The following SLC26A4 variants were observed in gnomAD, a reference collection of about 807,000 sequenced individuals.
SLC26A4 encodes the protein pendrin.
In SLC26A4, 93 loss-of-function variants were observed where a neutral mutation model predicts 90.4. The ratio of observed to expected loss-of-function variants is 1.03; its 90% CI spans 0.87 to 1.22. SLC26A4 has a LOEUF of 1.22. SLC26A4 is among the 50% of genes most tolerant of loss of function. The pLI, the probability that SLC26A4 is intolerant of heterozygous loss-of-function variation, is 0.00. For synonymous variants in SLC26A4, 393 were observed against 354.6 expected, an observed-to-expected ratio of 1.11 and a Z score of -1.22; for missense variants, 1,127 against 946.2, an observed-to-expected ratio of 1.19 and a Z score of -2.51.
At position 107,708,542 on chromosome 7, in the gene SLC26A4, A is replaced by G. The variant is rs531581318; in HGVS notation, c.2090-1512A>G. Among the ~76,000 whole-genome samples, 7 of 152,262 alleles carry G rather than the reference A, an allele frequency of 4.6e-5. No homozygotes were observed. In the East Asian group the frequency reaches 1.4e-3, roughly 29 times the overall value. On this transcript the variant is annotated intron_variant, in intron 18 of 20. Transcript: ENST00000644269. ...ACCTTTAAATAACCTCTGATTGCCA[A>G]GCTAGAGTTAAGTTTTAAATAAATA... is the stretch of plus-strand genomic sequence containing the variant.
chr7:107,671,909 G>A (rs1397381282), intron 3 of SLC26A4, among the ~76,000 whole-genome samples: 2 of 152,188 alleles, frequency 1.3e-5, no homozygotes, highest in African/African-American at 2.4e-5. Context: ...TCTAACGCAA[G>A]CCTATTTTAT....
chr7:107,687,399 A>G (rs1791449955), intron 8 of SLC26A4, among the ~76,000 whole-genome samples: 2 of 152,234 alleles, frequency 1.3e-5, no homozygotes, highest in Admixed American at 6.5e-5. Context: ...GACAGCAGAC[A>G]TGAGTGGCAG....
At position 107,665,077 on chromosome 7, in the gene SLC26A4, A is replaced by C. The variant is rs541224375; in HGVS notation, c.304+1642A>C. Among the ~76,000 whole-genome samples the C allele has an allele frequency of 1.7e-3, 259 of 152,242 alleles. 2 individuals are homozygous for C. The highest frequency in any genetic ancestry group is 2.4e-3 in the Non-Finnish European group (161 of 68,016). The stretch of plus-strand genomic sequence containing the variant: ...GGGAGTGCAAATGAGGTTCACTCAA[A>C]GCGGTCTTAGGGGATCTTGAATAGC... On this transcript the variant is annotated intron_variant, in intron 3 of 20. Transcript: ENST00000644269.
rs770923161 is a variant in SLC26A4 at position 107,689,023 on chromosome 7, C to T, written c.1002-30C>T. Reference sequence around the variant, plus strand: ...GGAAAAAGGATGGTGGTCAAATCTTCACAGCATTTTTCACTTAAAAACTCA... The same window carrying T: ...GGAAAAAGGATGGTGGTCAAATCTTTACAGCATTTTTCACTTAAAAACTCA... On this transcript the variant is annotated intron_variant, in intron 8 of 20. Coordinates refer to ENST00000644269, the MANE Select transcript of SLC26A4 (RefSeq NM_000441.2). The T allele has an allele frequency of 3.0e-5, 48 of 1,612,846 alleles. No individual in the cohort carries two copies. The South Asian group carries it at 5.1e-4, about 17-fold the overall frequency.
At chr7:107,713,041 A>G (rs1407671693) in intron 20 of SLC26A4, among the ~76,000 whole-genome samples, 2 of 152,200 alleles carry the variant, frequency 1.3e-5, no homozygotes, top group Non-Finnish European at 2.9e-5. Context: ...TAAAGGCTTT[A>G]AAAACACACT....
intron 6 of SLC26A4, among the ~76,000 whole-genome samples, chr7:107,677,192 GCAA>G (rs1189816313): frequency 6.6e-6 from 1 of 152,004 alleles, no homozygotes; most frequent in Non-Finnish European, 1.5e-5. Context: ...AACAATAACA[GCAA>G]CAACAAACAA....
rs6943886 is a variant in SLC26A4, at chr7:107,698,606, T to C, written c.1614+495T>C. On this transcript the variant is annotated intron_variant, in intron 14 of 20. Transcript: ENST00000644269. ...AGTTGGGATTACAGGCGTGAGCCAC[T>C]GCACCTGGCTAGCTGAATGTCATTT... Among the ~76,000 whole-genome samples the C allele has an allele frequency of 5.7e-3, 869 of 152,210 alleles. 13 individuals are homozygous for C. Among genetic ancestry groups the C allele is most frequent in the African/African-American group, 0.019 (805 of 41,556 alleles).
At chr7:107,698,159 A>T in intron 14 of SLC26A4, 48 bp downstream of exon 14, 1 of 1,184,428 alleles carries the variant, frequency 8.4e-7, no homozygotes, top group Non-Finnish European at 1.3e-6. Flanking sequence ...TACTAGCCTG[A>T]AGTTTCAGCA....
intron 3 of SLC26A4, among the ~76,000 whole-genome samples, chr7:107,667,581 G>A (rs546790792): frequency 6.6e-6 from 1 of 152,020 alleles, no homozygotes; most frequent in African/African-American, 2.4e-5. Context: ...GAATCAGAGG[G>A]AGATAAGAGA....
At chr7:107,700,269 C>G in intron 15 of SLC26A4, 94 bp downstream of exon 15, 1 of 717,808 alleles carries the variant, frequency 1.4e-6, no homozygotes, top group Admixed American at 2.0e-5. Context: ...AGGAATAGGC[C>G]CTAGACCCTC....
At chr7:107,684,348 G>C (rs1231952367) in intron 8 of SLC26A4, among the ~76,000 whole-genome samples, 2 of 152,148 alleles carry the variant, frequency 1.3e-5, no homozygotes, top group Non-Finnish European at 2.9e-5. Context: ...TGGTACCGGT[G>C]TTTCTACCAG....
chr7:107,680,906 A>G (rs1039350424), intron 6 of SLC26A4, among the ~76,000 whole-genome samples: 2 of 152,192 alleles, frequency 1.3e-5, no homozygotes, highest in Non-Finnish European at 2.9e-5. Context: ...CAATTCATCA[A>G]AATGTTATAC....
intron 10 of SLC26A4, among the ~76,000 whole-genome samples, chr7:107,691,548 C>CATATATATAT (rs35766469): frequency 6.9e-6 from 1 of 144,110 alleles, no homozygotes; most frequent in African/African-American, 2.6e-5. Context: ...CACACACAAA[C>CATATATATAT]ATATATATAT....
Position 107,661,843 on chromosome 7 carries a change from C to G in SLC26A4, c.164+38C>G, listed in dbSNP as rs965681657. On this transcript the variant is annotated intron_variant, in intron 2 of 20. Coordinates refer to ENST00000644269, the MANE Select transcript of SLC26A4 (RefSeq NM_000441.2). The surrounding 1 kb of genome is among the most constrained non-coding windows in gnomAD (Gnocchi z 5.1). ...CGGGCCTGCGTAGAGAGAAGCGGAG[C>G]GGGGCGTCCACGCCTTGGGGAGGGA... is the stretch of plus-strand genomic sequence containing the variant. 5 of 1,523,242 alleles carry G rather than the reference C, an allele frequency of 3.3e-6. No individual in the cohort carries two copies. The Admixed American group carries it at 7.9e-5, about 24-fold the overall frequency. The allele number at this position is 1,523,242 out of a possible 1,614,324, so 94.4% of individuals were successfully genotyped here. A position where few individuals can be genotyped will look rare whatever the true frequency, so the allele number is the denominator to read the frequency against.
chr7:107,701,337 A>G, intron 16 of SLC26A4, 141 bp downstream of exon 16: 1 of 680,564 alleles, frequency 1.5e-6, no homozygotes, highest in Non-Finnish European at 2.7e-6. Flanking sequence ...AGAACAACTG[A>G]GCTATTCTTA....
chr7:107,680,172 CTTATTATATAATATAATCTTATCTTA>C (rs1562827323), intron 6 of SLC26A4, among the ~76,000 whole-genome samples: 5 of 114,708 alleles, frequency 4.4e-5, no homozygotes, highest in East Asian at 2.4e-4. Context: ...ATAATCTTAT[CTTATTATATAATATAATCTTATCTTA>C]TTATATAATA....
chr7:107,715,600 T>A lies in SLC26A4; in HGVS notation c.*154T>A. 1 of 716,694 alleles carries A rather than the reference T, an allele frequency of 1.4e-6. No homozygotes were observed. Among genetic ancestry groups the A allele is most frequent in the Non-Finnish European group, 2.5e-6 (1 of 392,178 alleles). The allele number at this position is 716,694 out of a possible 1,614,324, so 44.4% of individuals were successfully genotyped here. On this transcript the variant is annotated 3_prime_UTR_variant, in exon 21 of 21. Transcript: ENST00000644269. ...CTGCTTCTAGGCTTTATTTATAAAA[T>A]AAACACCTTATCCCTAACATGGGCA...
At chr7:107,680,552 T>C (rs1464591217) in intron 6 of SLC26A4, among the ~76,000 whole-genome samples, 1 of 150,176 alleles carries the variant, frequency 6.7e-6, no homozygotes, top group Non-Finnish European at 1.5e-5. Flanking sequence ...GTGAGTTTTA[T>C]TTCTGCACAG....
rs1401520972 is a variant in SLC26A4, at chr7:107,682,133, T to TAAAAA, written c.766-1069_766-1068insAAAAA. ...AAAAAAAAAAAAAAAAAAAAAAATT[T>TAAAAA]TTTTTATGTTATCTTAGTTCAAGTT... On this transcript the variant is annotated intron_variant, in intron 6 of 20. Coordinates refer to ENST00000644269, the MANE Select transcript of SLC26A4 (RefSeq NM_000441.2). 2.7e-4 allele frequency among the ~76,000 whole-genome samples: 11 copies of TAAAAA among 40,912 alleles called. 2 individuals are homozygous for TAAAAA. The highest frequency in any genetic ancestry group is 1.9e-3 in the South Asian group (3 of 1,596). 26.8% of individuals were successfully genotyped at this position (40,912 alleles called of 152,430 possible).
Sources: gnomAD v4.1 joint callset for allele counts (sites outside exome capture counted in the v4.1 genomes callset) on GRCh38, gnomAD v4.1.1 for gene constraint, Gnocchi (gnomAD v3.1) non-coding constraint, MANE v1.5 for transcripts, NCBI Gene and HGNC (gene_info 2026-07-23, HGNC 2026-07-21) for gene names.